The following NNT variants were observed in gnomAD, a reference collection of about 807,000 sequenced individuals.
NNT encodes the protein NAD(P) transhydrogenase, mitochondrial.
Under a neutral mutation model 104.8 loss-of-function variants are expected in NNT, and 50 were observed. That is an observed-to-expected ratio of 0.48 (90% CI 0.38 to 0.60). The LOEUF (loss-of-function observed/expected upper bound fraction) is 0.60. Among genes scored for constraint, NNT ranks in the 20% least tolerant of loss-of-function variants. The probability of loss-of-function intolerance (pLI) is 0.00; values close to 1 mark genes in which losing one functional copy is unlikely to be tolerated. For synonymous variants in NNT, 461 were observed against 490.4 expected, an observed-to-expected ratio of 0.94 and a Z score of 0.79; for missense variants, 1,131 against 1,330.7, an observed-to-expected ratio of 0.85 and a Z score of 2.33.
chr5:43,639,096 C>A (rs1040822895), intron 7 of NNT, among the ~76,000 whole-genome samples: 18 of 152,048 alleles, frequency 1.2e-4, no homozygotes, highest in African/African-American at 3.6e-4. Flanking sequence ...ATGATATATT[C>A]TTTTGCTACA....
chr5:43,660,770 C>A (rs2111975220), intron 17 of NNT, among the ~76,000 whole-genome samples: 1 of 152,258 alleles, frequency 6.6e-6, no homozygotes, highest in African/African-American at 2.4e-5. Context: ...AGCACCAGAT[C>A]TCGTGAGAAC....
intron 3 of NNT, among the ~76,000 whole-genome samples, chr5:43,614,558 G>A (rs1749673026): frequency 6.6e-6 from 1 of 152,120 alleles, no homozygotes. Flanking sequence ...CCAGAACCTA[G>A]AAACATATGC....
chr5:43,636,300 A>G (rs1289673261), intron 7 of NNT, among the ~76,000 whole-genome samples: 2 of 152,208 alleles, frequency 1.3e-5, no homozygotes, highest in Admixed American at 1.3e-4. Context: ...ATAAAAGTCC[A>G]GACATTCTCA....
At chr5:43,632,573 C>G (rs532643706) in intron 7 of NNT, among the ~76,000 whole-genome samples, 3 of 152,166 alleles carry the variant, frequency 2.0e-5, no homozygotes, top group Non-Finnish European at 4.4e-5. Context: ...ATCTCACCCC[C>G]CTATTGGGTT....
intron 19 of NNT, among the ~76,000 whole-genome samples, chr5:43,695,191 C>A (rs2330326): frequency 0.99 from 150,482 of 152,314 alleles, 74,441 homozygotes; most frequent in Middle Eastern, 1. Context: ...TTAAAGATGT[C>A]GAAAACAATT....
chr5:43,700,275 T>G (rs749949216), intron 20 of NNT, 38 bp downstream of exon 20: 6 of 1,444,442 alleles, frequency 4.2e-6, no homozygotes, highest in Non-Finnish European at 5.8e-6. Context: ...TAAATATTCT[T>G]ACTATGAATA....
chr5:43,629,099 C>G (rs1750533394), intron 7 of NNT, among the ~76,000 whole-genome samples: 1 of 152,024 alleles, frequency 6.6e-6, no homozygotes, highest in African/African-American at 2.4e-5. Flanking sequence ...TTTGGTGCAC[C>G]TGTCACCTGA....
intron 6 of NNT, among the ~76,000 whole-genome samples, chr5:43,627,864 A>T (rs35069805): frequency 0.034 from 5,164 of 152,234 alleles, 137 homozygotes; most frequent in East Asian, 0.13. Flanking sequence ...ATGATATCAA[A>T]TCCTGATGTA....
At chr5:43,633,063 G>A (rs767545452) in intron 7 of NNT, among the ~76,000 whole-genome samples, 1 of 152,128 alleles carries the variant, frequency 6.6e-6, no homozygotes, top group Non-Finnish European at 1.5e-5. Context: ...CAGCTCTCCC[G>A]TTTCCCACCT....
chr5:43,672,633 G>T (rs1406616267), intron 17 of NNT, among the ~76,000 whole-genome samples: 4 of 152,172 alleles, frequency 2.6e-5, no homozygotes, highest in Admixed American at 6.5e-5. Flanking sequence ...CTGCCTGATC[G>T]TTCCTCTGGA....
At chr5:43,617,291 A>G (rs1749841156) in intron 4 of NNT, among the ~76,000 whole-genome samples, 1 of 152,228 alleles carries the variant, frequency 6.6e-6, no homozygotes. Context: ...AAATATTATG[A>G]GACAATATAA....
At chr5:43,672,628 TG>T (rs2112076808) in intron 17 of NNT, among the ~76,000 whole-genome samples, 1 of 152,354 alleles carries the variant, frequency 6.6e-6, no homozygotes, top group Admixed American at 6.5e-5. Flanking sequence ...TGTTGCTGCC[TG>T]ATCGTTCCTC....
intron 7 of NNT, among the ~76,000 whole-genome samples, chr5:43,643,900 G>T (rs947138134): frequency 6.6e-6 from 1 of 152,140 alleles, no homozygotes; most frequent in African/African-American, 2.4e-5. Flanking sequence ...GAATGCTGTG[G>T]TGTATAAACC....
At chr5:43,665,439 AACG>A (rs1740589784) in intron 17 of NNT, among the ~76,000 whole-genome samples, 1 of 151,900 alleles carries the variant, frequency 6.6e-6, no homozygotes, top group Non-Finnish European at 1.5e-5. Flanking sequence ...GATGACTCTT[AACG>A]AGCATGCTGC....
intron 19 of NNT, among the ~76,000 whole-genome samples, chr5:43,681,886 A>C (rs1404934216): frequency 6.6e-6 from 1 of 152,232 alleles, no homozygotes; most frequent in Non-Finnish European, 1.5e-5. Context: ...TCAATGAATG[A>C]ATTCCATTTA....
chr5:43,649,008 GTCTAAAAAA>G, intron 10 of NNT, 130 bp from the exon 11 acceptor site: 6 of 981,052 alleles, frequency 6.1e-6, no homozygotes, highest in Non-Finnish European at 9.3e-6. Flanking sequence ...ACTGTCAAAT[GTCTAAAAAA>G]TCTGCTCATT....
intron 21 of NNT, among the ~76,000 whole-genome samples, chr5:43,703,983 GA>G (rs2112267558): frequency 1.3e-5 from 2 of 152,220 alleles, no homozygotes; most frequent in African/African-American, 4.8e-5. Flanking sequence ...GCACTAAGAA[GA>G]AAATAATTGT....
intron 19 of NNT, among the ~76,000 whole-genome samples, chr5:43,698,596 G>A (rs921942324): frequency 8.6e-5 from 13 of 152,038 alleles, no homozygotes; most frequent in African/African-American, 2.7e-4. Flanking sequence ...AAGTATTTTG[G>A]TCTTTATTTA....
At position 43,673,078 on chromosome 5, in the gene NNT, T is replaced by C. The variant is rs551369678; in HGVS notation, c.2635-2433T>C. 4.0e-4 allele frequency among the ~76,000 whole-genome samples: 61 copies of C among 152,354 alleles called. 1 individual carries two copies. The highest frequency in any genetic ancestry group is 8.8e-4 in the Non-Finnish European group (60 of 68,028). ...GAGGCTCTGTGGGCATGGGACCCTC[T>C]GAGCCAGGCATGGGCTATAATCTGG... On this transcript the variant is annotated intron_variant, in intron 17 of 21. Transcript: ENST00000344920.
Sources: allele counts gnomAD v4.1 joint callset (sites outside exome capture counted in the v4.1 genomes callset), GRCh38; gene constraint gnomAD v4.1.1; transcripts MANE v1.5; gene names NCBI Gene and HGNC (gene_info 2026-07-23, HGNC 2026-07-21).